The following SLC4A4 variants were observed in gnomAD, a reference collection of about 807,000 sequenced individuals.
The protein encoded by SLC4A4 is electrogenic sodium bicarbonate cotransporter 1.
Under a neutral mutation model 111.5 loss-of-function variants are expected in SLC4A4, and 27 were observed. The ratio of observed to expected loss-of-function variants is 0.24; its 90% CI spans 0.18 to 0.33. The LOEUF (loss-of-function observed/expected upper bound fraction) is 0.33, where lower values mean the gene tolerates loss of function less well. Among genes scored for constraint, SLC4A4 ranks in the 10% least tolerant of loss-of-function variants. SLC4A4 has a pLI of 1.00. For missense variants in SLC4A4, 909 were observed against 1,315.5 expected, an observed-to-expected ratio of 0.69 and a Z score of 4.78; for synonymous variants, 443 against 463.4, an observed-to-expected ratio of 0.96 and a Z score of 0.57.
At chr4:71,423,425 A>T (rs1050024143) in intron 7 of SLC4A4, among the ~76,000 whole-genome samples, 1 of 152,252 alleles carries the variant, frequency 6.6e-6, no homozygotes, top group African/African-American at 2.4e-5. Context: ...AAGGTCATTT[A>T]TAGATTCAAT....
At chr4:71,431,535 AACCT>A (rs1234590050) in intron 7 of SLC4A4, among the ~76,000 whole-genome samples, 1 of 152,120 alleles carries the variant, frequency 6.6e-6, no homozygotes, top group African/African-American at 2.4e-5. Flanking sequence ...TTCCAGATTT[AACCT>A]TTAAAATCCG....
At chr4:71,563,454 T>C (rs943945691) in intron 23 of SLC4A4, among the ~76,000 whole-genome samples, 2 of 151,856 alleles carry the variant, frequency 1.3e-5, no homozygotes, top group African/African-American at 4.8e-5. Flanking sequence ...CTATGTTTAA[T>C]CTGTTTTTGC....
At chr4:71,296,937 G>GA (rs1240926497) in intron 3 of SLC4A4, among the ~76,000 whole-genome samples, 1 of 152,088 alleles carries the variant, frequency 6.6e-6, no homozygotes, top group East Asian at 1.9e-4. Context: ...AGTATTACTG[G>GA]AAAAAAATCC....
intron 2 of SLC4A4, among the ~76,000 whole-genome samples, chr4:71,118,006 A>G (rs1476565937): frequency 6.6e-6 from 1 of 151,298 alleles, no homozygotes; most frequent in Admixed American, 6.6e-5. Flanking sequence ...CCTCCCAAGT[A>G]GCTGGGATTA....
intron 1 of SLC4A4, among the ~76,000 whole-genome samples, chr4:71,209,474 T>C (rs999907981): frequency 4.6e-5 from 7 of 152,220 alleles, no homozygotes; most frequent in Non-Finnish European, 8.8e-5. Context: ...CTTCTTCTTT[T>C]GAATACAACA....
intron 16 of SLC4A4, among the ~76,000 whole-genome samples, chr4:71,510,340 A>G (rs144223935): frequency 1.1e-4 from 17 of 152,272 alleles, no homozygotes; most frequent in African/African-American, 3.6e-4. Context: ...CATAATTTCT[A>G]TCACTCTAAT....
At chr4:71,162,451 A>G (rs1270494396) in intron 2 of SLC4A4, among the ~76,000 whole-genome samples, 1 of 152,188 alleles carries the variant, frequency 6.6e-6, no homozygotes, top group African/African-American at 2.4e-5. Context: ...AGGTACTCTT[A>G]ATCAGACAAT....
chr4:71,135,453 G>A (rs1176138406), intron 2 of SLC4A4, among the ~76,000 whole-genome samples: 1 of 151,902 alleles, frequency 6.6e-6, no homozygotes, highest in Non-Finnish European at 1.5e-5. Flanking sequence ...GCACCACCAT[G>A]CCTGGCTAAT....
At chr4:71,148,997 C>T (rs1309860569) in intron 2 of SLC4A4, among the ~76,000 whole-genome samples, 2 of 152,188 alleles carry the variant, frequency 1.3e-5, no homozygotes, top group East Asian at 1.9e-4. Flanking sequence ...AATTAATTTA[C>T]ACTCCCAACA....
chr4:71,566,939 A>C, intron 24 of SLC4A4, 65 bp from the exon 25 acceptor site: 1 of 1,326,410 alleles, frequency 7.5e-7, no homozygotes. Flanking sequence ...AATTTTGTGA[A>C]GATTTTTGTT....
At chr4:71,072,557 T>C (rs1741697004) in intron 1 of SLC4A4, among the ~76,000 whole-genome samples, 1 of 147,720 alleles carries the variant, frequency 6.8e-6, no homozygotes, top group Non-Finnish European at 1.5e-5. Flanking sequence ...CCCAGCCTTA[T>C]GGCTTTTTTT....
At chr4:71,281,817 T>G (rs970697072) in intron 3 of SLC4A4, among the ~76,000 whole-genome samples, 2 of 152,218 alleles carry the variant, frequency 1.3e-5, no homozygotes, top group Non-Finnish European at 2.9e-5. Flanking sequence ...ACACTAAATA[T>G]AGTGATACGT....
chr4:71,489,232 A>G (rs890525549), intron 15 of SLC4A4, among the ~76,000 whole-genome samples: 1 of 151,782 alleles, frequency 6.6e-6, no homozygotes, highest in South Asian at 2.1e-4. Context: ...AAGACCATAC[A>G]TATTACAAGT....
intron 2 of SLC4A4, among the ~76,000 whole-genome samples, chr4:71,156,239 G>C (rs1246299613): frequency 6.6e-6 from 1 of 152,140 alleles, no homozygotes. Flanking sequence ...TCATGCATTG[G>C]CTAGAAGTTT....
chr4:71,296,271 G>A (rs571412261), intron 3 of SLC4A4, among the ~76,000 whole-genome samples: 67 of 152,240 alleles, frequency 4.4e-4, no homozygotes, highest in Non-Finnish European at 7.5e-4. Context: ...TTTGCCCTGA[G>A]CCTACTGAAG....
intron 12 of SLC4A4, among the ~76,000 whole-genome samples, chr4:71,463,100 T>A (rs1281303589): frequency 6.6e-6 from 1 of 152,170 alleles, no homozygotes; most frequent in East Asian, 1.9e-4. Flanking sequence ...TGGTGTCACA[T>A]CAGAAGTGGA....
intron 3 of SLC4A4, among the ~76,000 whole-genome samples, chr4:71,266,322 A>G (rs979003887): frequency 1.3e-5 from 2 of 152,222 alleles, no homozygotes; most frequent in African/African-American, 4.8e-5. Context: ...TCATAGTTTA[A>G]TCAAAAGTTG....
intron 2 of SLC4A4, among the ~76,000 whole-genome samples, chr4:71,157,653 T>G (rs1239950319): frequency 6.6e-6 from 1 of 152,182 alleles, no homozygotes; most frequent in Non-Finnish European, 1.5e-5. Flanking sequence ...ACTTAGTACA[T>G]AATTTTCAGC....
chr4:71,139,319 A>G (rs1039960028), intron 2 of SLC4A4, among the ~76,000 whole-genome samples: 3 of 151,838 alleles, frequency 2.0e-5, no homozygotes, highest in African/African-American at 7.3e-5. Flanking sequence ...CCACTTTTCT[A>G]CAATCTTCCT....
Sources: gnomAD v4.1 joint callset for allele counts (sites outside exome capture counted in the v4.1 genomes callset) on GRCh38, gnomAD v4.1.1 for gene constraint, MANE v1.5 for transcripts, NCBI Gene and HGNC (gene_info 2026-07-23, HGNC 2026-07-21) for gene names.